ERN1: variants seen among roughly 807,000 people sequenced by gnomAD.
ERN1 encodes serine/threonine-protein kinase/endoribonuclease IRE1.
In ERN1, 39 loss-of-function variants were observed where a neutral mutation model predicts 113.1. The ratio of observed to expected loss-of-function variants is 0.34; its 90% confidence interval spans 0.27 to 0.45. The LOEUF (loss-of-function observed/expected upper bound fraction) is 0.45. Among genes scored for constraint, ERN1 ranks in the 20% least tolerant of loss-of-function variants. ERN1 has a pLI of 1.00. For missense variants in ERN1, 976 were observed against 1,274.8 expected, an observed-to-expected ratio of 0.77 and a Z score of 3.57; for synonymous variants, 507 against 515.9, an observed-to-expected ratio of 0.98 and a Z score of 0.23.
Position 64,045,352 on chromosome 17 carries a change from T to G in ERN1, c.2653+7A>C. 6.2e-7 allele frequency: 1 copy of G among 1,613,830 alleles called. No individual in the cohort carries two copies. The highest frequency in any genetic ancestry group is 8.5e-7 in the Non-Finnish European group (1 of 1,179,872). ...ACCTGCCCTCTCACACGCTGCAGCATGATCACCTGTCTGGAGGGGGACAGT... is the reference window on the plus strand; with the variant it reads ...ACCTGCCCTCTCACACGCTGCAGCAGGATCACCTGTCTGGAGGGGGACAGT... On this transcript the variant is annotated splice_region_variant and intron_variant, in intron 20 of 21. Transcript: ENST00000433197.
intron 5 of ERN1, 131 bp downstream of exon 5, chr17:64,075,044 A>C (rs1913543327): frequency 5.3e-6 from 4 of 758,550 alleles, no homozygotes; most frequent in South Asian, 1.6e-5. Flanking sequence ...GGAGAACAGC[A>C]CCTGAAGCAC....
chr17:64,076,144 C>T (rs1311716562), intron 4 of ERN1, among the ~76,000 whole-genome samples: 2 of 152,238 alleles, frequency 1.3e-5, no homozygotes, highest in South Asian at 4.1e-4. Flanking sequence ...TCTGAGTCTA[C>T]AGCTGACATC....
intron 4 of ERN1, among the ~76,000 whole-genome samples, chr17:64,076,822 G>A (rs912106290): frequency 1.3e-4 from 20 of 152,050 alleles, no homozygotes; most frequent in African/African-American, 4.8e-4. Context: ...GGATGGTCTC[G>A]ATCTCCTGAC....
chr17:64,080,103 C>A (rs1052833377), intron 3 of ERN1, among the ~76,000 whole-genome samples: 1 of 152,142 alleles, frequency 6.6e-6, no homozygotes, highest in African/African-American at 2.4e-5. Flanking sequence ...AGAACTCCAG[C>A]CATTAATATT....
chr17:64,129,582 G>A, intron 1 of ERN1: 1 of 356,452 alleles, frequency 2.8e-6, no homozygotes, highest in Non-Finnish European at 5.0e-6. Context: ...GCCAGGCAGC[G>A]CCGGCGCCCG....
chr17:64,052,676 G>C (rs1313661716), intron 17 of ERN1, 104 bp downstream of exon 17: 7 of 1,006,120 alleles, frequency 7.0e-6, no homozygotes, highest in African/African-American at 1.6e-5. Context: ...CCATTCTCCA[G>C]CTACACGGGC....
chr17:64,061,749 G>A (rs937626838), intron 10 of ERN1, among the ~76,000 whole-genome samples: 1 of 152,216 alleles, frequency 6.6e-6, no homozygotes, highest in African/African-American at 2.4e-5. Context: ...CCAGGAATCC[G>A]AATGTGAGTA....
intron 1 of ERN1, among the ~76,000 whole-genome samples, chr17:64,124,509 A>G (rs1186962394): frequency 6.6e-6 from 1 of 152,168 alleles, no homozygotes; most frequent in Non-Finnish European, 1.5e-5. Context: ...GTGATAGTGA[A>G]TAAGTCTCAC....
At chr17:64,114,857 C>T (rs1317208505) in intron 1 of ERN1, among the ~76,000 whole-genome samples, 1 of 152,082 alleles carries the variant, frequency 6.6e-6, no homozygotes, top group African/African-American at 2.4e-5. Flanking sequence ...TGAATATTAG[C>T]AGAACACATC....
chr17:64,109,529 C>T (rs891875102), intron 1 of ERN1, among the ~76,000 whole-genome samples: 1 of 152,232 alleles, frequency 6.6e-6, no homozygotes, highest in African/African-American at 2.4e-5. Context: ...TCTACCGGCC[C>T]AGGCCACCAT....
chr17:64,053,187 G>GC (rs35105003), intron 16 of ERN1, 85 bp downstream of exon 16: 1 of 1,161,254 alleles, frequency 8.6e-7, no homozygotes, highest in African/African-American at 1.5e-5. Context: ...CAGAAGCAAG[G>GC]CCCACCCGAG....
intron 1 of ERN1, among the ~76,000 whole-genome samples, chr17:64,106,715 T>C (rs1284488308): frequency 3.5e-4 from 36 of 103,412 alleles, no homozygotes; most frequent in South Asian, 8.0e-4. Flanking sequence ...CAGGGTTTCT[T>C]ACACACACAC....
intron 2 of ERN1, among the ~76,000 whole-genome samples, chr17:64,083,238 T>C (rs1380893037): frequency 6.6e-6 from 1 of 152,198 alleles, no homozygotes; most frequent in African/African-American, 2.4e-5. Context: ...TACATATGGT[T>C]AAATTTTTTC....
chr17:64,053,292 T>C lies in ERN1; in HGVS notation c.2033A>G (p.His678Arg). ...CTCACCGATGTTGAGGGAGTGGAGGTGGGCCAGGCCCGAGGTGGTCTGCTG... is the reference window on the plus strand; with the variant it reads ...CTCACCGATGTTGAGGGAGTGGAGGCGGGCCAGGCCCGAGGTGGTCTGCTG... ...LLQQTTSGLA[H>R]LHSLNIVHRD... The change falls in exon 16 of 22, where the codon CAC becomes CGC. Residue 678 changes from histidine (H) to arginine (R), a missense_variant. Physicochemically the swap from His to Arg is conservative, Grantham distance 29 (BLOSUM62 0). This residue lies in a region of ERN1 where 297 missense variants were observed against 457.8 expected (regional missense o/e 0.65). Transcript: ENST00000433197. 6.2e-7 allele frequency: 1 copy of C among 1,609,774 alleles called. No individual in the cohort carries two copies. The highest frequency in any genetic ancestry group is 8.5e-7 in the Non-Finnish European group (1 of 1,178,780).
Position 64,081,299 on chromosome 17 carries a change from G to C in ERN1, c.176-491C>G, listed in dbSNP as rs1336804564. ...GCCAGTAAATGGACACACCTCTTTG[G>C]AGCGGCAATTCTAGAGCCTCCAAGT... is the stretch of plus-strand genomic sequence containing the variant. On this transcript the variant is annotated intron_variant, in intron 2 of 21. Coordinates refer to ENST00000433197, the MANE Select transcript of ERN1 (RefSeq NM_001433.5). Among the ~76,000 whole-genome samples, 12 of 152,152 alleles carry C rather than the reference G, an allele frequency of 7.9e-5. 1 individual carries two copies. The highest frequency in any genetic ancestry group is 1.3e-4 in the Non-Finnish European group (9 of 68,038).
chr17:64,089,867 C>T (rs1204413829), intron 2 of ERN1, among the ~76,000 whole-genome samples: 1 of 152,158 alleles, frequency 6.6e-6, no homozygotes, highest in Non-Finnish European at 1.5e-5. Context: ...ATGAGGTAAA[C>T]AACTGCTATT....
At chr17:64,124,150 G>C (rs1336286786) in intron 1 of ERN1, among the ~76,000 whole-genome samples, 1 of 152,188 alleles carries the variant, frequency 6.6e-6, no homozygotes, top group African/African-American at 2.4e-5. Flanking sequence ...CTACATTGCA[G>C]GTGGGAATGT....
chr17:64,080,554 CAAAT>C (rs1258059499), intron 3 of ERN1: 1 of 499,240 alleles, frequency 2.0e-6, no homozygotes, highest in Non-Finnish European at 3.6e-6. Flanking sequence ...AGTTTCATCT[CAAAT>C]AAGCCTTTTT....
intron 4 of ERN1, among the ~76,000 whole-genome samples, chr17:64,075,544 CA>C (rs1307609774): frequency 6.6e-6 from 1 of 152,102 alleles, no homozygotes; most frequent in Admixed American, 6.5e-5. Context: ...GTGATTCTCT[CA>C]CCTCAGCCTC....
Sources: gnomAD v4.1 joint callset for allele counts (sites outside exome capture counted in the v4.1 genomes callset) on GRCh38, gnomAD v4.1.1 for gene constraint, gnomAD v4.1.1 regional missense constraint, MANE v1.5 for transcripts, NCBI Gene and HGNC (gene_info 2026-07-23, HGNC 2026-07-21) for gene names.